The following PBX1 variants were observed in gnomAD, a reference collection of about 807,000 sequenced individuals.
PBX1 encodes pre-B-cell leukemia transcription factor 1.
PBX1 carries 6 observed loss-of-function variants against 53.4 expected under a neutral mutation model. The ratio of observed to expected loss-of-function variants is 0.11; its 90% CI spans 0.06 to 0.22. The LOEUF (loss-of-function observed/expected upper bound fraction) is 0.22. Among genes scored for constraint, PBX1 ranks in the 10% least tolerant of loss-of-function variants. The pLI is 1.00. For missense variants in PBX1, 251 were observed against 551.4 expected (o/e 0.46, Z 5.46); for synonymous variants, 204 against 212.3 (o/e 0.96, Z 0.34).
chr1:164,864,331 C>T (rs1037261065), intron 2 of PBX1, among the ~76,000 whole-genome samples: 1 of 152,130 alleles, frequency 6.6e-6, no homozygotes, highest in South Asian at 2.1e-4. Context: ...GTTGTTTCTC[C>T]TTGTGGTCAT....
intron 2 of PBX1, among the ~76,000 whole-genome samples, chr1:164,589,564 C>T (rs1381051930): frequency 1.3e-5 from 2 of 152,150 alleles, no homozygotes; most frequent in East Asian, 3.9e-4. Flanking sequence ...CTAAATGATC[C>T]CCTGGTGCCC....
At chr1:164,661,447 G>A (rs1660487462) in intron 2 of PBX1, among the ~76,000 whole-genome samples, 1 of 131,598 alleles carries the variant, frequency 7.6e-6, no homozygotes, top group South Asian at 2.5e-4. Flanking sequence ...TTTTTTTTGA[G>A]ATGGAGTCTG....
intron 8 of PBX1, among the ~76,000 whole-genome samples, chr1:164,842,988 G>A (rs1671378027): frequency 1.3e-5 from 2 of 150,744 alleles, no homozygotes; most frequent in African/African-American, 2.4e-5. Context: ...CAAAGGCGGA[G>A]TTTCCTACTT....
At chr1:164,603,956 T>TTTTTTTTTTTC in intron 2 of PBX1, among the ~76,000 whole-genome samples, 1 of 110,506 alleles carries the variant, frequency 9.0e-6, no homozygotes, top group African/African-American at 3.2e-5. Context: ...TTTTTTTTTT[T>TTTTTTTTTTTC]TTTTTTAGAG....
intron 2 of PBX1, among the ~76,000 whole-genome samples, chr1:164,672,050 TC>T (rs1337837285): frequency 2.0e-3 from 261 of 131,114 alleles, no homozygotes; most frequent in Middle Eastern, 4.1e-3. Context: ...TTTTTTTTTT[TC>T]CCCTTTTATT....
At chr1:164,579,444 A>G (rs960879819) in intron 2 of PBX1, among the ~76,000 whole-genome samples, 1 of 152,024 alleles carries the variant, frequency 6.6e-6, no homozygotes, top group African/African-American at 2.4e-5. Flanking sequence ...AAGGTTTGTG[A>G]TATTCCGTGT....
intron 2 of PBX1, among the ~76,000 whole-genome samples, chr1:164,681,039 G>A (rs1419426665): frequency 6.6e-6 from 1 of 152,120 alleles, no homozygotes; most frequent in Non-Finnish European, 1.5e-5. Flanking sequence ...CATGGGAAGA[G>A]TATTGCTTGA....
intron 4 of PBX1, among the ~76,000 whole-genome samples, chr1:164,806,635 C>T (rs556685856): frequency 6.6e-6 from 1 of 152,146 alleles, no homozygotes; most frequent in Non-Finnish European, 1.5e-5. Context: ...GAATTAATAC[C>T]TTAGCTCTGT....
chr1:164,645,479 G>A (rs1039091882), intron 2 of PBX1, among the ~76,000 whole-genome samples: 6 of 151,882 alleles, frequency 4.0e-5, no homozygotes, highest in African/African-American at 1.2e-4. Flanking sequence ...GATGAATAGG[G>A]AATCTGAACA....
Position 164,618,306 on chromosome 1 carries a change from G to C in PBX1, c.265+54995G>C, listed in dbSNP as rs926488584. Among the ~76,000 whole-genome samples the C allele has an allele frequency of 2.4e-4, 35 of 147,630 alleles. 3 individuals are homozygous for C. The East Asian group carries it at 5.1e-3, about 21-fold the overall frequency. ...GGGAGAATAATCACGGCGGGGGGGG[G>C]GGGGCACTCAAGATGATCAGCACTA... is the stretch of plus-strand genomic sequence containing the variant. On this transcript the variant is annotated intron_variant, in intron 2 of 8. Transcript: ENST00000420696.
At chr1:164,650,007 G>T (rs1659692816) in intron 2 of PBX1, among the ~76,000 whole-genome samples, 1 of 152,110 alleles carries the variant, frequency 6.6e-6, no homozygotes, top group African/African-American at 2.4e-5. Flanking sequence ...GAGGAAGGGA[G>T]AGAAAGAGTT....
intron 2 of PBX1, among the ~76,000 whole-genome samples, chr1:164,634,277 C>T (rs190184323): frequency 3.5e-4 from 54 of 152,306 alleles, no homozygotes; most frequent in East Asian, 7.7e-4. Flanking sequence ...TTTCGAAGGT[C>T]GAGATTAGTG....
intron 2 of PBX1, among the ~76,000 whole-genome samples, chr1:164,617,089 A>G (rs1014731649): frequency 2.7e-4 from 41 of 152,286 alleles, no homozygotes; most frequent in African/African-American, 9.4e-4. Flanking sequence ...CCTCAAATTT[A>G]TATGCTAAAG....
At chr1:164,616,516 G>A (rs907909610) in intron 2 of PBX1, among the ~76,000 whole-genome samples, 6 of 152,050 alleles carry the variant, frequency 3.9e-5, no homozygotes, top group South Asian at 2.1e-4. Context: ...AATGAGTTTC[G>A]GTTAGCTGAA....
chr1:164,881,434 A>G (rs1395286233), intron 2 of PBX1, among the ~76,000 whole-genome samples: 6 of 149,706 alleles, frequency 4.0e-5, no homozygotes, highest in Non-Finnish European at 8.9e-5. Flanking sequence ...GGGAGGAAGG[A>G]AGGGAGGAAG....
intron 1 of PBX1, 54 bp from the exon 2 acceptor site, chr1:164,563,184 G>A: frequency 2.6e-5 from 31 of 1,211,768 alleles, no homozygotes; most frequent in Non-Finnish European, 3.5e-5. Flanking sequence ...GTGCATTATC[G>A]GCAGTTTGAT....
At chr1:164,761,228 A>G (rs1262392306) in intron 2 of PBX1, among the ~76,000 whole-genome samples, 2 of 152,236 alleles carry the variant, frequency 1.3e-5, no homozygotes, top group Non-Finnish European at 2.9e-5. Context: ...TGCTCAGCTC[A>G]CTAAATCAAT....
At chr1:164,776,695 C>T (rs1667662790) in intron 2 of PBX1, among the ~76,000 whole-genome samples, 1 of 152,292 alleles carries the variant, frequency 6.6e-6, no homozygotes, top group Admixed American at 6.5e-5. Context: ...AAAGGAAACA[C>T]AGAAGTGCAA....
intron 8 of PBX1, among the ~76,000 whole-genome samples, chr1:164,824,657 G>A (rs1023580890): frequency 2.6e-5 from 4 of 151,970 alleles, no homozygotes; most frequent in Admixed American, 6.6e-5. Flanking sequence ...GTTATGCAAG[G>A]CCTAAAGACC....
Sources: gnomAD v4.1 joint callset for allele counts (sites outside exome capture counted in the v4.1 genomes callset) on GRCh38, gnomAD v4.1.1 for gene constraint, MANE v1.5 for transcripts, NCBI Gene and HGNC (gene_info 2026-07-23, HGNC 2026-07-21) for gene names.